Variants in STXBP5L observed in about 807,000 individuals in gnomAD.
STXBP5L encodes the protein syntaxin binding protein 5L, also known as syntaxin-binding protein 5-like.
In STXBP5L, 65 loss-of-function variants were observed where a neutral mutation model predicts 144.5. The observed-to-expected ratio is 0.45, with a 90% CI of 0.37 to 0.55. STXBP5L has a LOEUF of 0.55. Among genes scored for constraint, STXBP5L ranks in the 20% least tolerant of loss-of-function variants. The pLI, the probability that STXBP5L is intolerant of heterozygous loss-of-function variation, is 0.00. For missense variants in STXBP5L, 1,298 were observed against 1,405.5 expected (o/e 0.92, Z 1.22); for synonymous variants, 505 against 469.6 (o/e 1.08, Z -0.97).
chr3:120,969,725 T>A (rs1940024093), intron 3 of STXBP5L, among the ~76,000 whole-genome samples: 1 of 152,044 alleles, frequency 6.6e-6, no homozygotes, highest in South Asian at 2.1e-4. Context: ...TTGTGTAAAG[T>A]GAGAGATGGA....
chr3:121,100,117 A>G (rs2043339614), intron 5 of STXBP5L, among the ~76,000 whole-genome samples: 1 of 152,234 alleles, frequency 6.6e-6, no homozygotes, highest in African/African-American at 2.4e-5. Context: ...CCCTAGACCT[A>G]TAAAAAGACT....
intron 3 of STXBP5L, among the ~76,000 whole-genome samples, chr3:121,009,901 G>A (rs1159327378): frequency 1.3e-5 from 2 of 151,808 alleles, no homozygotes; most frequent in African/African-American, 4.8e-5. Flanking sequence ...TCAAGAACTC[G>A]AAAGGCATCT....
At chr3:121,211,601 A>T in intron 10 of STXBP5L, among the ~76,000 whole-genome samples, 1 of 104,580 alleles carries the variant, frequency 9.6e-6, no homozygotes, top group Non-Finnish European at 1.8e-5. Flanking sequence ...TTTTTTTGAG[A>T]CAGAGTCTCG....
At chr3:121,416,550 C>T (rs528620964) in intron 25 of STXBP5L, among the ~76,000 whole-genome samples, 2 of 150,338 alleles carry the variant, frequency 1.3e-5, no homozygotes, top group South Asian at 4.2e-4. Flanking sequence ...CTCTGTTGCC[C>T]AGGCTGGAGT....
At chr3:121,094,439 T>C (rs1576933264) in intron 5 of STXBP5L, among the ~76,000 whole-genome samples, 1 of 152,094 alleles carries the variant, frequency 6.6e-6, no homozygotes, top group Non-Finnish European at 1.5e-5. Flanking sequence ...GGACTTGCTT[T>C]ATGAGTCTGG....
In STXBP5L at chr3:121,381,379, T is replaced by C. The variant is rs1272403752; in HGVS notation, c.2434T>C (p.Tyr812His). The C allele has an allele frequency of 1.2e-6, 2 of 1,611,668 alleles. No homozygotes were observed. Among genetic ancestry groups the C allele is most frequent in the African/African-American group, 1.3e-5 (1 of 74,852 alleles). Residue 812 changes from tyrosine (Y) to histidine (H), a missense_variant, in exon 22 of 27, where the codon TAC becomes CAC. Transcript: ENST00000471454. Reference protein sequence around the residue: ...KDSKEAITALYFMDSFARKND... With the variant: ...KDSKEAITALHFMDSFARKND... ...TTCTAAAGAAGCAATTACAGCACTA[T>C]ACTTCATGGACTCCTTTGCACGGAA... is the stretch of plus-strand genomic sequence containing the variant.
intron 14 of STXBP5L, among the ~76,000 whole-genome samples, chr3:121,246,645 A>C (rs977451386): frequency 1.3e-5 from 2 of 152,228 alleles, no homozygotes; most frequent in Non-Finnish European, 2.9e-5. Context: ...AGTCATTCAT[A>C]GCATCTTTAT....
chr3:121,016,934 C>T (rs541525187), intron 3 of STXBP5L, among the ~76,000 whole-genome samples: 50 of 152,262 alleles, frequency 3.3e-4, no homozygotes, highest in Non-Finnish European at 2.9e-4. Context: ...CAGTTCATCC[C>T]TGGAGGATTA....
chr3:121,239,737 T>C (rs936039290), intron 13 of STXBP5L, among the ~76,000 whole-genome samples: 8 of 146,494 alleles, frequency 5.5e-5, no homozygotes, highest in East Asian at 4.2e-4. Flanking sequence ...AGGGATAGCA[T>C]TGGGAGATAT....
intron 19 of STXBP5L, among the ~76,000 whole-genome samples, chr3:121,306,282 C>G (rs1372758430): frequency 6.6e-6 from 1 of 152,136 alleles, no homozygotes; most frequent in Admixed American, 6.5e-5. Context: ...CTCATCCCCT[C>G]CAACTCCAAG....
At chr3:121,037,015 C>A (rs1245168823) in intron 3 of STXBP5L, among the ~76,000 whole-genome samples, 1 of 152,016 alleles carries the variant, frequency 6.6e-6, no homozygotes, top group Non-Finnish European at 1.5e-5. Context: ...AAGCCTCAAA[C>A]TCCTGGGCTC....
intron 18 of STXBP5L, among the ~76,000 whole-genome samples, chr3:121,269,875 T>A (rs1021647704): frequency 6.6e-6 from 1 of 152,208 alleles, no homozygotes; most frequent in African/African-American, 2.4e-5. Flanking sequence ...GGTCTACCAA[T>A]TGTAATGTGA....
chr3:121,391,142 T>G (rs1345787913), intron 22 of STXBP5L, among the ~76,000 whole-genome samples: 1 of 152,220 alleles, frequency 6.6e-6, no homozygotes, highest in Non-Finnish European at 1.5e-5. Context: ...TGATCTTGCA[T>G]CACTGATAGA....
chr3:121,050,822 G>A (rs1367088103), intron 5 of STXBP5L, among the ~76,000 whole-genome samples: 1 of 152,144 alleles, frequency 6.6e-6, no homozygotes, highest in South Asian at 2.1e-4. Context: ...CTATCAGTGT[G>A]CTGTATTCAG....
At chr3:121,377,421 T>G (rs550558604) in intron 20 of STXBP5L, among the ~76,000 whole-genome samples, 6 of 152,236 alleles carry the variant, frequency 3.9e-5, no homozygotes, top group Non-Finnish European at 7.4e-5. Context: ...AGGAGAAAAT[T>G]TTTGCAATCT....
intron 5 of STXBP5L, among the ~76,000 whole-genome samples, chr3:121,067,078 C>A (rs1053547764): frequency 6.6e-6 from 1 of 151,730 alleles, no homozygotes; most frequent in South Asian, 2.1e-4. Context: ...AAAAATAAGT[C>A]TTCTGGAGAT....
intron 3 of STXBP5L, among the ~76,000 whole-genome samples, chr3:120,993,499 G>C (rs1382140489): frequency 2.0e-5 from 3 of 151,970 alleles, no homozygotes; most frequent in Non-Finnish European, 4.4e-5. Flanking sequence ...TGAGATTTAG[G>C]GGTCTAGTTT....
chr3:121,219,608 A>G (rs1339008907), intron 10 of STXBP5L, among the ~76,000 whole-genome samples: 2 of 152,248 alleles, frequency 1.3e-5, no homozygotes, highest in African/African-American at 2.4e-5. Context: ...TCAAGATAGG[A>G]ATATTGATTT....
At chr3:120,988,299 GT>G (rs1184324219) in intron 3 of STXBP5L, among the ~76,000 whole-genome samples, 3 of 151,242 alleles carry the variant, frequency 2.0e-5, no homozygotes, top group South Asian at 2.1e-4. Flanking sequence ...TAATACAGGT[GT>G]TTTTTTCATT....
Sources: gnomAD v4.1 joint callset for allele counts (sites outside exome capture counted in the v4.1 genomes callset) on GRCh38, gnomAD v4.1.1 for gene constraint, MANE v1.5 for transcripts, NCBI Gene and HGNC (gene_info 2026-07-23, HGNC 2026-07-21) for gene names.